Variants in SUGCT observed in about 807,000 individuals in gnomAD.
SUGCT encodes succinyl-CoA:glutarate-CoA transferase.
A neutral mutation model predicts 55.0 loss-of-function variants in SUGCT; 41 were observed. The observed-to-expected ratio is 0.74, with a 90% CI of 0.58 to 0.97. The LOEUF (loss-of-function observed/expected upper bound fraction) is 0.97, where lower values mean the gene tolerates loss of function less well. Among genes scored for constraint, SUGCT ranks in the 50% least tolerant of loss-of-function variants. The pLI is 0.00. For synonymous variants in SUGCT, 187 were observed against 200.4 expected (o/e 0.93, Z 0.56); for missense variants, 568 against 547.8 (o/e 1.04, Z -0.37).
At chr7:40,582,303 C>T (rs915470929) in intron 12 of SUGCT, among the ~76,000 whole-genome samples, 3 of 152,006 alleles carry the variant, frequency 2.0e-5, no homozygotes, top group Admixed American at 6.6e-5. Context: ...ATAATCTGTA[C>T]GTGATTTCCT....
At chr7:41,020,113 T>C in the SUGCT span, among the ~76,000 whole-genome samples, 2 of 152,220 alleles carry the variant, frequency 1.3e-5, no homozygotes, top group South Asian at 2.1e-4. Flanking sequence ...AAATAACAAA[T>C]GCTATCTTAC....
intron 10 of SUGCT, among the ~76,000 whole-genome samples, chr7:40,452,080 T>C (rs900437628): frequency 6.6e-6 from 1 of 152,178 alleles, no homozygotes; most frequent in Non-Finnish European, 1.5e-5. Flanking sequence ...ATTGATATAG[T>C]GGTTGATTGA....
At chr7:41,028,442 A>G in the SUGCT span, among the ~76,000 whole-genome samples, 6 of 152,194 alleles carry the variant, frequency 3.9e-5, no homozygotes, top group Admixed American at 2.6e-4. Flanking sequence ...ACAACTGGGG[A>G]TCCATTCTGA....
At chr7:40,627,512 A>T (rs1170663452) in intron 12 of SUGCT, among the ~76,000 whole-genome samples, 1 of 152,120 alleles carries the variant, frequency 6.6e-6, no homozygotes, top group Non-Finnish European at 1.5e-5. Context: ...GCTAAAATGA[A>T]GTTACAAAGT....
intron 11 of SUGCT, among the ~76,000 whole-genome samples, chr7:40,495,923 C>T (rs903442354): frequency 1.3e-5 from 2 of 152,016 alleles, no homozygotes; most frequent in African/African-American, 4.8e-5. Context: ...CTATCCTAAC[C>T]CGATTTCCAC....
intron 11 of SUGCT, among the ~76,000 whole-genome samples, chr7:40,484,404 G>C (rs1315606123): frequency 6.6e-6 from 1 of 152,166 alleles, no homozygotes; most frequent in East Asian, 1.9e-4. Flanking sequence ...AAGAAGTCAG[G>C]GATGGGTAGA....
At chr7:40,654,965 C>T (rs755043064) in intron 12 of SUGCT, among the ~76,000 whole-genome samples, 3 of 152,066 alleles carry the variant, frequency 2.0e-5, no homozygotes, top group African/African-American at 7.2e-5. Flanking sequence ...ACAACTTAGG[C>T]GAAAGGCAAT....
At chr7:40,712,959 C>T (rs578251004) in intron 12 of SUGCT, among the ~76,000 whole-genome samples, 1 of 152,348 alleles carries the variant, frequency 6.6e-6, no homozygotes, top group East Asian at 1.9e-4. Flanking sequence ...AAATGTATTT[C>T]TTACATTCAC....
At chr7:40,458,689 T>C (rs1331728779) in intron 10 of SUGCT, among the ~76,000 whole-genome samples, 1 of 152,196 alleles carries the variant, frequency 6.6e-6, no homozygotes, top group African/African-American at 2.4e-5. Context: ...GTATACAAGA[T>C]ACATGTAGAT....
At chr7:40,371,714 T>C (rs1006936789) in intron 9 of SUGCT, among the ~76,000 whole-genome samples, 2 of 108,764 alleles carry the variant, frequency 1.8e-5, no homozygotes, top group African/African-American at 6.0e-5. Flanking sequence ...TTTGGTATTG[T>C]TTCCTTATTG....
At chr7:40,185,055 T>A (rs1562560372) in intron 3 of SUGCT, among the ~76,000 whole-genome samples, 1 of 152,198 alleles carries the variant, frequency 6.6e-6, no homozygotes, top group Non-Finnish European at 1.5e-5. Flanking sequence ...TCCCTGACAG[T>A]CTTAGGCAGT....
intron 12 of SUGCT, among the ~76,000 whole-genome samples, chr7:40,659,379 G>A (rs773655272): frequency 1.6e-4 from 25 of 152,138 alleles, no homozygotes; most frequent in Non-Finnish European, 2.9e-4. Flanking sequence ...ACTATGGGCA[G>A]AAAGTCTCAG....
chr7:40,940,026 T>A, the SUGCT span, among the ~76,000 whole-genome samples: 7,949 of 152,246 alleles, frequency 0.052, 211 homozygotes, highest in South Asian at 0.074. Flanking sequence ...ATTTAAGACT[T>A]TAATCCAACT....
At chr7:40,927,546 C>T in the SUGCT span, among the ~76,000 whole-genome samples, 1 of 152,152 alleles carries the variant, frequency 6.6e-6, no homozygotes, top group Admixed American at 6.6e-5. Flanking sequence ...ATACTTCAGA[C>T]CTGGGAAAAC....
intron 13 of SUGCT, among the ~76,000 whole-genome samples, chr7:40,858,276 G>T (rs1414087073): frequency 1.3e-5 from 2 of 151,968 alleles, no homozygotes; most frequent in Non-Finnish European, 2.9e-5. Context: ...GGTGGTGCAT[G>T]CCTGTAATCC....
chr7:40,702,777 A>G (rs1427296135), intron 12 of SUGCT, among the ~76,000 whole-genome samples: 1 of 152,168 alleles, frequency 6.6e-6, no homozygotes, highest in Non-Finnish European at 1.5e-5. Context: ...GCTCAATGAA[A>G]GATCACTGAA....
chr7:40,488,078 G>A (rs2151501975), intron 11 of SUGCT, among the ~76,000 whole-genome samples: 1 of 150,856 alleles, frequency 6.6e-6, no homozygotes, highest in Non-Finnish European at 1.5e-5. Context: ...GATAGGTATG[G>A]AGTTAATACT....
chr7:40,229,530 A>G (rs1205945290), intron 6 of SUGCT, among the ~76,000 whole-genome samples: 1 of 147,828 alleles, frequency 6.8e-6, no homozygotes, highest in Non-Finnish European at 1.5e-5. Context: ...AAAAAAAAAA[A>G]GTCCTGGTGC....
intron 13 of SUGCT, among the ~76,000 whole-genome samples, chr7:40,830,059 T>C (rs771050486): frequency 1.3e-5 from 2 of 152,166 alleles, no homozygotes; most frequent in Non-Finnish European, 2.9e-5. Context: ...CACCACCACG[T>C]CATGAGCACA....
Sources: allele counts gnomAD v4.1 joint callset (sites outside exome capture counted in the v4.1 genomes callset), GRCh38; gene constraint gnomAD v4.1.1; transcripts MANE v1.5; gene names NCBI Gene and HGNC (gene_info 2026-07-23, HGNC 2026-07-21).